Variants in DPP8 observed in about 807,000 individuals in gnomAD.
DPP8 encodes dipeptidyl peptidase 8, also known as DPP VIII.
A neutral mutation model predicts 107.5 loss-of-function variants in DPP8; 31 were observed. The ratio of observed to expected loss-of-function variants is 0.29; its 90% confidence interval spans 0.22 to 0.39. The LOEUF (loss-of-function observed/expected upper bound fraction) is 0.39, where lower values mean the gene tolerates loss of function less well. Ranked by LOEUF, DPP8 falls within the 10% of genes least tolerant of loss-of-function variation. The pLI is 1.00. For missense variants in DPP8, 842 were observed against 1,076.1 expected (o/e 0.78, Z 3.04); for synonymous variants, 381 against 356.6 (o/e 1.07, Z -0.77).
intron 8 of DPP8, 90 bp downstream of exon 8, chr15:65,485,009 C>A: frequency 9.6e-7 from 1 of 1,036,696 alleles, no homozygotes; most frequent in Non-Finnish European, 1.5e-6. Context: ...TTCAGCAAGT[C>A]CAAAAATAAA....
intron 11 of DPP8, among the ~76,000 whole-genome samples, chr15:65,476,150 A>G (rs376458248): frequency 1.4e-3 from 208 of 152,296 alleles, no homozygotes; most frequent in African/African-American, 4.5e-3. Context: ...CTCACTGCTT[A>G]TATCTATTGC....
intron 5 of DPP8, among the ~76,000 whole-genome samples, chr15:65,493,023 T>A (rs1454364574): frequency 1.3e-5 from 2 of 152,274 alleles, no homozygotes; most frequent in African/African-American, 4.8e-5. Flanking sequence ...AAAAGAAATA[T>A]TTGGAATTCA....
In DPP8 at chr15:65,509,072, CTT is replaced by C. The variant is rs918780271; in HGVS notation, c.260-1719_260-1718del. ...AGGATAAGCCCCCAAATAACCATAT[CTT>C]TTTTTATCCTCTTATTTTTCTAATT... On this transcript the variant is annotated intron_variant, in intron 2 of 19. Coordinates refer to ENST00000300141, the MANE Select transcript of DPP8 (RefSeq NM_130434.5). Among the ~76,000 whole-genome samples, 45 of 152,208 alleles carry C rather than the reference CTT, an allele frequency of 3.0e-4. 1 individual carries two copies. Among genetic ancestry groups the C allele is most frequent in the African/African-American group, 1.1e-3 (45 of 41,536 alleles).
intron 8 of DPP8, among the ~76,000 whole-genome samples, chr15:65,482,431 A>G: frequency 6.6e-6 from 1 of 151,862 alleles, no homozygotes; most frequent in East Asian, 1.9e-4. Context: ...ATGGGTATAT[A>G]CCACCACGCC....
intron 16 of DPP8, 108 bp from the exon 17 acceptor site, chr15:65,454,523 A>G (rs2064238591): frequency 2.0e-6 from 2 of 1,012,036 alleles, no homozygotes; most frequent in Non-Finnish European, 1.4e-6. Flanking sequence ...AGGTGTTTTA[A>G]TTTTTATTTT....
rs2070891180 is a variant in DPP8 at position 65,512,299 on chromosome 15, G to A, written c.255C>T (p.Tyr85=). The A allele has an allele frequency of 2.5e-6, 4 of 1,609,970 alleles. No individual in the cohort carries two copies. In the African/African-American group the frequency reaches 4.0e-5, roughly 16 times the overall value. ...AAACTACAACTTCGTACTCACCAAGGTAATAGATTCTGTCTGAATGAGGTC... is the reference window on the plus strand; with the variant it reads ...AAACTACAACTTCGTACTCACCAAGATAATAGATTCTGTCTGAATGAGGTC... ...PDGPHSDRIY[Y]LAMSGENREN... The change falls in exon 2 of 20, where the codon TAC becomes TAT. Residue 85 remains tyrosine, a synonymous_variant. Transcript: ENST00000300141.
intron 15 of DPP8, among the ~76,000 whole-genome samples, chr15:65,460,848 G>T (rs556678196): frequency 5.3e-5 from 8 of 152,282 alleles, no homozygotes; most frequent in South Asian, 2.1e-4. Flanking sequence ...ATACCAAGAA[G>T]TGGAATTTCT....
intron 12 of DPP8, among the ~76,000 whole-genome samples, chr15:65,468,903 C>T (rs1429938228): frequency 6.6e-6 from 1 of 152,120 alleles, no homozygotes; most frequent in Admixed American, 6.6e-5. Context: ...GTGTGGGGGG[C>T]TTGTTAAACA....
At chr15:65,485,527 A>G (rs1380930121) in intron 7 of DPP8, among the ~76,000 whole-genome samples, 1 of 145,250 alleles carries the variant, frequency 6.9e-6, no homozygotes, top group Non-Finnish European at 1.5e-5. Flanking sequence ...CTCGGTAACA[A>G]GAGCGAGACT....
chr15:65,449,921 CTA>C (rs2063842831), intron 19 of DPP8, among the ~76,000 whole-genome samples: 1 of 146,704 alleles, frequency 6.8e-6, no homozygotes, highest in Non-Finnish European at 1.5e-5. Context: ...TAGTTTCTCT[CTA>C]TGAAAAACGT....
intron 12 of DPP8, 93 bp downstream of exon 12, chr15:65,474,116 T>A (rs2066169358): frequency 3.1e-6 from 3 of 966,796 alleles, no homozygotes; most frequent in Middle Eastern, 2.1e-4. Flanking sequence ...GAAAAAAAAA[T>A]ACCGGGGTCA....
rs1364539307 is a variant in DPP8, at chr15:65,515,590, C to T, written c.-12+1896G>A. The T allele has an allele frequency of 1.6e-5, 22 of 1,406,184 alleles. No individual in the cohort carries two copies. The East Asian group carries it at 3.2e-4, about 20-fold the overall frequency. The allele number at this position is 1,406,184 out of a possible 1,614,324, so 87.1% of individuals were successfully genotyped here. On this transcript the variant is annotated intron_variant, in intron 1 of 19. Coordinates refer to ENST00000300141, the MANE Select transcript of DPP8 (RefSeq NM_130434.5). Reference sequence around the variant, plus strand: ...GGAAAATAGGGTCAGTGTACCTTCTCAGCACAGTGCATATATTTCACTGCC... The same window carrying T: ...GGAAAATAGGGTCAGTGTACCTTCTTAGCACAGTGCATATATTTCACTGCC...
intron 17 of DPP8, among the ~76,000 whole-genome samples, chr15:65,452,867 G>C (rs1050059126): frequency 2.6e-5 from 4 of 152,038 alleles, no homozygotes; most frequent in African/African-American, 9.7e-5. Flanking sequence ...AGTTACTTGG[G>C]AGGCTGAAGC....
chr15:65,451,312 C>T (rs548891201), intron 18 of DPP8, among the ~76,000 whole-genome samples: 3 of 152,160 alleles, frequency 2.0e-5, no homozygotes, highest in Non-Finnish European at 2.9e-5. Flanking sequence ...ATCTTGTGTT[C>T]AATTTTTTAT....
chr15:65,490,319 A>G lies in DPP8; in HGVS notation c.716-20T>C, dbSNP rs759157904. ...CTAGCTCTAGACAAATATAAAAGGCAAAATTATCACAGAAAGCTATCTTTT... is the reference window on the plus strand; with the variant it reads ...CTAGCTCTAGACAAATATAAAAGGCGAAATTATCACAGAAAGCTATCTTTT... On this transcript the variant is annotated intron_variant, in intron 5 of 19. Coordinates refer to ENST00000300141, the MANE Select transcript of DPP8 (RefSeq NM_130434.5). 1 of 1,434,802 alleles carries G rather than the reference A, an allele frequency of 7.0e-7. No homozygotes were observed. Among genetic ancestry groups the G allele is most frequent in the Non-Finnish European group, 9.8e-7 (1 of 1,017,866 alleles). 88.9% of individuals were successfully genotyped at this position (1,434,802 alleles called of 1,614,324 possible). A position where few individuals can be genotyped will look rare whatever the true frequency, so the allele number is the denominator to read the frequency against.
In DPP8 at chr15:65,457,642, G is replaced by T. The variant is rs114671144; in HGVS notation, c.1972-1271C>A. 3.2e-3 allele frequency among the ~76,000 whole-genome samples: 483 copies of T among 152,060 alleles called. 2 individuals carry two copies. The highest frequency in any genetic ancestry group is 0.011 in the African/African-American group (466 of 41,458). On this transcript the variant is annotated intron_variant, in intron 15 of 19. Transcript: ENST00000300141. ...GAATATTAGTCTGACATGTTCACTG[G>T]GTATCCTCACTGCCTAGAACAGTAC...
At chr15:65,496,449 A>C (rs2068609707) in intron 5 of DPP8, among the ~76,000 whole-genome samples, 1 of 152,202 alleles carries the variant, frequency 6.6e-6, no homozygotes, top group Non-Finnish European at 1.5e-5. Flanking sequence ...GTTCAAAGAA[A>C]AAGCAATACA....
chr15:65,515,640 TTTCC>T, intron 1 of DPP8: 1 of 1,612,878 alleles, frequency 6.2e-7, no homozygotes, highest in Non-Finnish European at 8.5e-7. Flanking sequence ...ACTTAAGTAG[TTTCC>T]CTGGTGCCTA....
At chr15:65,472,584 C>T (rs917139443) in intron 12 of DPP8, among the ~76,000 whole-genome samples, 1 of 152,244 alleles carries the variant, frequency 6.6e-6, no homozygotes, top group South Asian at 2.1e-4. Flanking sequence ...CAGATGTGAG[C>T]CACTGTGCCC....
Sources: allele counts gnomAD v4.1 joint callset (sites outside exome capture counted in the v4.1 genomes callset), GRCh38; gene constraint gnomAD v4.1.1; transcripts MANE v1.5; gene names NCBI Gene and HGNC (gene_info 2026-07-23, HGNC 2026-07-21).